Variants in ABL1 observed in about 807,000 individuals in gnomAD.
ABL1 encodes ABL proto-oncogene 1, non-receptor tyrosine kinase, also known as tyrosine-protein kinase ABL1.
ABL1 carries 11 observed loss-of-function variants against 94.7 expected under a neutral mutation model. The ratio of observed to expected loss-of-function variants is 0.12; its 90% confidence interval spans 0.07 to 0.19. The LOEUF (loss-of-function observed/expected upper bound fraction) is 0.19. Ranked by LOEUF, ABL1 falls within the 10% of genes least tolerant of loss-of-function variation. The pLI is 1.00. For missense variants in ABL1, 1,082 were observed against 1,489.4 expected, an observed-to-expected ratio of 0.73 and a Z score of 4.50; for synonymous variants, 656 against 622.4, an observed-to-expected ratio of 1.05 and a Z score of -0.80.
intron 10 of ABL1, among the ~76,000 whole-genome samples, chr9:130,882,715 TA>T (rs1831480254): frequency 6.6e-6 from 1 of 152,068 alleles, no homozygotes; most frequent in African/African-American, 2.4e-5. Flanking sequence ...TTGCATTTTT[TA>T]GTAGAGACGG....
intron 1 of ABL1, among the ~76,000 whole-genome samples, chr9:130,751,543 G>T (rs114389251): frequency 0.014 from 2,177 of 152,248 alleles, 56 homozygotes; most frequent in African/African-American, 0.049. Flanking sequence ...GGCTTCATGA[G>T]TGATTCCCAG....
exon 1 of ABL1, among the ~76,000 whole-genome samples, chr9:130,713,106 T>TTCCCGGG (rs1436236445): frequency 6.6e-6 from 1 of 152,160 alleles, no homozygotes; most frequent in Non-Finnish European, 1.5e-5. Context: ...CCGGAGCCGG[T>TTCCCGGG]TCCCGGGTCC....
At chr9:130,752,230 T>G (rs1256376994) in intron 1 of ABL1, among the ~76,000 whole-genome samples, 2 of 152,204 alleles carry the variant, frequency 1.3e-5, no homozygotes, top group Non-Finnish European at 2.9e-5. Context: ...GGCCTAGATG[T>G]GAATCCTGTC....
chr9:130,868,036 C>T (rs924676572), intron 4 of ABL1, among the ~76,000 whole-genome samples: 2 of 151,742 alleles, frequency 1.3e-5, no homozygotes, highest in African/African-American at 2.4e-5. Context: ...CTCGGCTCAC[C>T]GCAAGCTCCA....
At chr9:130,849,534 T>C (rs1830824721) in intron 1 of ABL1, among the ~76,000 whole-genome samples, 1 of 152,228 alleles carries the variant, frequency 6.6e-6, no homozygotes, top group Non-Finnish European at 1.5e-5. Context: ...TTTTGTTTTT[T>C]TTTGAGACGA....
rs181461207 is a variant in ABL1 at position 130,734,246 on chromosome 9, C to T, written c.136+19791C>T. ...TTTTTTTTTTTGAGATGGAGTCTCG[C>T]TCTGTCACCCAGGCTGGAGTGCAGT... On this transcript the variant is annotated intron_variant, in intron 1 of 10. Transcript: ENST00000372348. Among the ~76,000 whole-genome samples the T allele has an allele frequency of 8.3e-3, 1,231 of 148,860 alleles. 25 individuals carry two copies. Among genetic ancestry groups the T allele is most frequent in the African/African-American group, 0.03 (1,193 of 39,978 alleles).
intron 1 of ABL1, among the ~76,000 whole-genome samples, chr9:130,796,508 A>G (rs1433188603): frequency 6.6e-6 from 1 of 152,170 alleles, no homozygotes; most frequent in Non-Finnish European, 1.5e-5. Context: ...AAGGAGAAAC[A>G]GTGATTCATT....
Position 130,835,612 on chromosome 9 carries a change from C to T in ABL1, c.79+87C>T, listed in dbSNP as rs907229041. 1.3e-5 allele frequency: 14 copies of T among 1,084,580 alleles called. No homozygotes were observed. The highest frequency in any genetic ancestry group is 3.2e-5 in the African/African-American group (2 of 62,968). 67.2% of individuals were successfully genotyped at this position (1,084,580 alleles called of 1,614,324 possible). On this transcript the variant is annotated intron_variant, in intron 1 of 10. Coordinates refer to ENST00000318560, the MANE Select transcript of ABL1 (RefSeq NM_005157.6). This position sits in a 1 kb window ranked among gnomAD's most constrained non-coding sequence, Gnocchi z 4.6. ...CTTCCTAGGCCTCGCCGCCCGCGCG[C>T]TCCCGCCTGCGCCCTCCCCGGGTCT...
At chr9:130,819,700 G>A (rs913784549) in intron 1 of ABL1, among the ~76,000 whole-genome samples, 3 of 151,694 alleles carry the variant, frequency 2.0e-5, no homozygotes, top group Non-Finnish European at 4.4e-5. Context: ...CACCATGCCC[G>A]GCTACTTTTT....
At chr9:130,821,602 C>T (rs1177617099) in intron 1 of ABL1, among the ~76,000 whole-genome samples, 2 of 149,622 alleles carry the variant, frequency 1.3e-5, no homozygotes, top group East Asian at 3.9e-4. Flanking sequence ...ATGTATAAGT[C>T]TTTGTGTGGA....
At chr9:130,741,775 T>C (rs1831822699) in intron 1 of ABL1, among the ~76,000 whole-genome samples, 1 of 152,226 alleles carries the variant, frequency 6.6e-6, no homozygotes, top group Non-Finnish European at 1.5e-5. Flanking sequence ...CTTTGGGTTG[T>C]ACAGAAGGGG....
chr9:130,752,644 C>CTAATT (rs1831980433), intron 1 of ABL1, among the ~76,000 whole-genome samples: 2 of 152,108 alleles, frequency 1.3e-5, no homozygotes, highest in Non-Finnish European at 2.9e-5. Flanking sequence ...TTAGGGTGTG[C>CTAATT]TGCTGCCATC....
chr9:130,732,104 C>T (rs1017698948), intron 1 of ABL1, among the ~76,000 whole-genome samples: 10 of 151,618 alleles, frequency 6.6e-5, no homozygotes, highest in Non-Finnish European at 1.0e-4. Context: ...TTTCATGGAT[C>T]GAACAGTATT....
intron 1 of ABL1, among the ~76,000 whole-genome samples, chr9:130,811,013 C>CAAAG (rs1171690290): frequency 1.3e-5 from 2 of 151,622 alleles, no homozygotes; most frequent in African/African-American, 4.9e-5. Flanking sequence ...ACATTTAAAG[C>CAAAG]AAAGAAAGAA....
At chr9:130,733,107 G>A (rs1831687889) in intron 1 of ABL1, among the ~76,000 whole-genome samples, 1 of 152,214 alleles carries the variant, frequency 6.6e-6, no homozygotes, top group Non-Finnish European at 1.5e-5. Flanking sequence ...CTTTGGCTTA[G>A]TTGGATCTTG....
At chr9:130,751,129 CTTTTTTTTTTTTTTT>C (rs60206110) in intron 1 of ABL1, among the ~76,000 whole-genome samples, 1,330 of 57,552 alleles carry the variant, frequency 0.023, 33 homozygotes, top group African/African-American at 0.1. Flanking sequence ...TTTTATTCAG[CTTTTTTTTTTTTTTT>C]TTTTTTTTTT....
At position 130,715,673 on chromosome 9, in the gene ABL1, C is replaced by G. The variant is rs374058889; in HGVS notation, c.136+1218C>G. Among the ~76,000 whole-genome samples the G allele has an allele frequency of 2.6e-5, 4 of 152,280 alleles. No homozygotes were observed. The East Asian group carries it at 5.8e-4, about 22-fold the overall frequency. On this transcript the variant is annotated intron_variant, in intron 1 of 10. Coordinates refer to the ABL1 transcript ENST00000372348. ...CATTTTAACTAGTGATGATCATGCA[C>G]CTTACATAGTGAAAATTGGAACAGA...
At chr9:130,750,372 C>G (rs1399876153) in intron 1 of ABL1, among the ~76,000 whole-genome samples, 1 of 146,550 alleles carries the variant, frequency 6.8e-6, no homozygotes, top group Non-Finnish European at 1.5e-5. Flanking sequence ...CCCCATCATC[C>G]TTCCTTCCCT....
At chr9:130,833,996 C>T (rs771475578), upstream of ABL1, 3 of 455,976 alleles carry the variant, frequency 6.6e-6, no homozygotes, top group South Asian at 4.6e-5. Flanking sequence ...GAAGGGTCAG[C>T]ATCATCCACT....
Sources: allele counts gnomAD v4.1 joint callset (sites outside exome capture counted in the v4.1 genomes callset), GRCh38; gene constraint gnomAD v4.1.1; non-coding constraint Gnocchi (gnomAD v3.1); transcripts MANE v1.5; gene names NCBI Gene and HGNC (gene_info 2026-07-23, HGNC 2026-07-21).